The following ZNF93 variants were observed in gnomAD, a reference collection of about 807,000 sequenced individuals.
ZNF93 encodes zinc finger protein 93.
A neutral mutation model predicts 45.0 loss-of-function variants in ZNF93; 29 were observed. That is an observed-to-expected ratio of 0.64 (90% CI 0.48 to 0.88). The LOEUF (loss-of-function observed/expected upper bound fraction) is 0.88. Among genes scored for constraint, ZNF93 ranks in the 40% least tolerant of loss-of-function variants. The probability of loss-of-function intolerance (pLI) is 0.00; values close to 1 mark genes in which losing one functional copy is unlikely to be tolerated. For missense variants in ZNF93, 578 were observed against 724.0 expected (o/e 0.80, Z 2.31); for synonymous variants, 223 against 244.6 (o/e 0.91, Z 0.82).
At position 19,934,801 on chromosome 19, in the gene ZNF93, A is replaced by C. The variant is rs1395815044; in HGVS notation, c.1846A>C (p.Thr616Pro). 6 of 1,597,530 alleles carry C rather than the reference A, an allele frequency of 3.8e-6. No individual in the cohort carries two copies. Among genetic ancestry groups the C allele is most frequent in the Non-Finnish European group, 4.3e-6 (5 of 1,172,808 alleles). Residue 616 changes from threonine to proline, a missense_variant, in exon 4 of 4, where the codon ACT (threonine) becomes CCT (proline). This residue lies in a region of ZNF93 where 119 missense variants were observed against 123.1 expected (regional missense o/e 0.97). Coordinates refer to ENST00000343769, the MANE Select transcript of ZNF93 (RefSeq NM_031218.4). ...SSLSRHEIIH[T>P]GEKP ...CCTTAGTAGACATGAGATAATTCAT[A>C]CTGGGGAGAAACCCTAGAAGTGTGA... is the stretch of plus-strand genomic sequence containing the variant.
Position 19,933,441 on chromosome 19 carries a change from A to G in ZNF93, c.486A>G (p.Arg162=). 6.3e-7 allele frequency: 1 copy of G among 1,599,064 alleles called. No individual in the cohort carries two copies. Among genetic ancestry groups the G allele is most frequent in the African/African-American group, 1.3e-5 (1 of 74,126 alleles). ...KVFHKFSNSN[R]HNIRHTEKKP... ...TTCATAAATTTTCAAATTCAAATAGACATAATATAAGACATACTGAAAAAA... is the reference window on the plus strand; with the variant it reads ...TTCATAAATTTTCAAATTCAAATAGGCATAATATAAGACATACTGAAAAAA... Residue 162 remains arginine, a synonymous_variant, in exon 4 of 4, where the codon AGA becomes AGG. Transcript: ENST00000343769.
In ZNF93 at chr19:19,901,059, T is replaced by C. The variant is rs749177418; in HGVS notation, c.-30T>C. 5.6e-6 allele frequency: 9 copies of C among 1,612,634 alleles called. No individual in the cohort carries two copies. Among genetic ancestry groups the C allele is most frequent in the Admixed American group, 3.3e-5 (2 of 59,958 alleles). On this transcript the variant is annotated 5_prime_UTR_variant, in exon 1 of 4. Coordinates refer to ENST00000343769, the MANE Select transcript of ZNF93 (RefSeq NM_031218.4). Reference sequence around the variant, plus strand: ...CTGCAGGTATTGGGAGATCCACAGCTAAGACACCAGGACCCCTGGAAGCCT... The same window carrying C: ...CTGCAGGTATTGGGAGATCCACAGCCAAGACACCAGGACCCCTGGAAGCCT...
At chr19:19,911,688 A>T (rs1402577109) in intron 1 of ZNF93, among the ~76,000 whole-genome samples, 1 of 152,050 alleles carries the variant, frequency 6.6e-6, no homozygotes, top group Admixed American at 6.5e-5. Flanking sequence ...CACTTTCTTT[A>T]TATTGTTGTG....
At chr19:19,924,381 G>C (rs1257714248) in intron 3 of ZNF93, among the ~76,000 whole-genome samples, 1 of 151,594 alleles carries the variant, frequency 6.6e-6, no homozygotes, top group Admixed American at 6.6e-5. Context: ...GTGAGCCACC[G>C]CACCCAGCCG....
chr19:19,914,747 G>C (rs1333751855), intron 1 of ZNF93: 1 of 353,108 alleles, frequency 2.8e-6, no homozygotes, highest in African/African-American at 2.3e-5. Flanking sequence ...ACAAAAACTT[G>C]GAAAAACACA....
In ZNF93 at chr19:19,916,465, A is replaced by G. The variant is rs543880898; in HGVS notation, c.131-95A>G. 4.2e-6 allele frequency: 4 copies of G among 942,132 alleles called. No individual in the cohort carries two copies. In the African/African-American group the frequency reaches 5.1e-5, roughly 12 times the overall value. 58.4% of individuals were successfully genotyped at this position (942,132 alleles called of 1,614,324 possible). On this transcript the variant is annotated intron_variant, in intron 2 of 3. Transcript: ENST00000343769. ...ATTTGTATTTTGGTATTAATTTACT[A>G]GAATATTTTATCACATCGTCTTTGC...
chr19:19,918,991 G>C (rs1219404148), intron 3 of ZNF93, among the ~76,000 whole-genome samples: 1 of 151,862 alleles, frequency 6.6e-6, no homozygotes, highest in Admixed American at 6.6e-5. Context: ...GGCTTTTGTT[G>C]CCATTGCTTT....
At chr19:19,917,993 C>T (rs1448738290) in intron 3 of ZNF93, among the ~76,000 whole-genome samples, 1 of 147,784 alleles carries the variant, frequency 6.8e-6, no homozygotes, top group African/African-American at 2.5e-5. Flanking sequence ...TGTAGATGTG[C>T]ACATCGTGCA....
intron 1 of ZNF93, 57 bp downstream of exon 1, chr19:19,901,148 G>T: frequency 6.2e-7 from 1 of 1,611,776 alleles, no homozygotes. Context: ...GGAACCGGTG[G>T]AAAGTGACGG....
intron 3 of ZNF93, among the ~76,000 whole-genome samples, chr19:19,923,427 A>C (rs1230307394): frequency 6.6e-6 from 1 of 152,132 alleles, no homozygotes; most frequent in Non-Finnish European, 1.5e-5. Context: ...CTCAGATCTC[A>C]AGCTCCATGC....
chr19:19,927,022 A>AT (rs573408613), intron 3 of ZNF93: 158 of 397,002 alleles, frequency 4.0e-4, no homozygotes, highest in African/African-American at 2.8e-3. Context: ...ATAATTCTGT[A>AT]TTTTTTTCAG....
chr19:19,913,184 ATACAGAATCACAT>A (rs2063314464), intron 1 of ZNF93, among the ~76,000 whole-genome samples: 2 of 152,336 alleles, frequency 1.3e-5, no homozygotes, highest in South Asian at 4.1e-4. Context: ...CTCTTCAAAC[ATACAGAATCACAT>A]TACAGAATGT....
chr19:19,910,575 T>G (rs1183824351), intron 1 of ZNF93, among the ~76,000 whole-genome samples: 1 of 152,188 alleles, frequency 6.6e-6, no homozygotes, highest in Non-Finnish European at 1.5e-5. Flanking sequence ...CCAGGCAACT[T>G]GAATCTTTGC....
chr19:19,932,335 A>G (rs893077501), intron 3 of ZNF93: 1 of 153,066 alleles, frequency 6.5e-6, no homozygotes, highest in African/African-American at 2.4e-5. Flanking sequence ...TTGCAAAGCT[A>G]AATCTCAGTA....
intron 3 of ZNF93, among the ~76,000 whole-genome samples, chr19:19,918,300 C>T (rs2063331034): frequency 6.6e-6 from 1 of 152,178 alleles, no homozygotes; most frequent in African/African-American, 2.4e-5. Flanking sequence ...TTTATGGTTG[C>T]ATAGTATTCC....
In ZNF93 at chr19:19,934,587, A is replaced by G. The variant is rs1389361773; in HGVS notation, c.1632A>G (p.Lys544=). The G allele has an allele frequency of 6.2e-7, 1 of 1,613,890 alleles. No homozygotes were observed. The highest frequency in any genetic ancestry group is 8.5e-7 in the Non-Finnish European group (1 of 1,180,010). The part of the protein sequence containing the change: ...EKPYKCEECG[K]AFHLSTHLTT... ...CCTACAAATGTGAAGAATGTGGCAA[A>G]GCTTTTCACCTATCCACACACCTTA... The change falls in exon 4 of 4, where the codon AAA becomes AAG. Residue 544 remains lysine, a synonymous_variant. Transcript: ENST00000343769.
intron 3 of ZNF93, among the ~76,000 whole-genome samples, chr19:19,928,446 T>C (rs1233036695): frequency 1.3e-5 from 2 of 152,208 alleles, no homozygotes; most frequent in Admixed American, 1.3e-4. Context: ...AATTTGCCAG[T>C]TTGACTTTTG....
chr19:19,933,479 G>T lies in ZNF93; in HGVS notation c.524G>T (p.Cys175Phe). Residue 175 changes from cysteine (C) to phenylalanine (F), a missense_variant, in exon 4 of 4, where the codon TGC (cysteine) becomes TTC (phenylalanine). Physicochemically the swap from Cys to Phe is radical, Grantham distance 205. Around this residue, in one of 3 missense-constraint regions of ZNF93, gnomAD observed 446 missense variants for 547.6 expected, o/e 0.81. Transcript: ENST00000343769. ...CATACTGAAAAAAAACCTTTCAAAT[G>T]CATAGAATGTGGCAAAGCTTTTAAC... ...IRHTEKKPFK[C>F]IECGKAFNQF... is the part of the protein sequence containing the mutation. 1 of 1,605,262 alleles carries T rather than the reference G, an allele frequency of 6.2e-7. No homozygotes were observed. Among genetic ancestry groups the T allele is most frequent in the African/African-American group, 1.3e-5 (1 of 74,450 alleles).
intron 1 of ZNF93, among the ~76,000 whole-genome samples, chr19:19,902,731 G>C (rs1460056875): frequency 6.7e-6 from 1 of 150,292 alleles, no homozygotes; most frequent in Non-Finnish European, 1.5e-5. Context: ...AAGGAAACTG[G>C]GAGGATCTTT....
Sources: allele counts gnomAD v4.1 joint callset (sites outside exome capture counted in the v4.1 genomes callset), GRCh38; gene constraint gnomAD v4.1.1; regional missense constraint gnomAD v4.1.1; transcripts MANE v1.5; gene names NCBI Gene and HGNC (gene_info 2026-07-23, HGNC 2026-07-21).